RBFOX1: variants seen among roughly 807,000 people sequenced by gnomAD.
RBFOX1 encodes the protein RNA binding fox-1 homolog 1.
Under a neutral mutation model 57.7 loss-of-function variants are expected in RBFOX1, and 8 were observed. The observed-to-expected ratio is 0.14, with a 90% CI of 0.08 to 0.25. RBFOX1 has a LOEUF of 0.25. RBFOX1 is among the 10% of genes least tolerant of loss of function. The probability of loss-of-function intolerance (pLI) is 1.00; values close to 1 mark genes in which losing one functional copy is unlikely to be tolerated. For missense variants in RBFOX1, 611 were observed against 548.5 expected, an observed-to-expected ratio of 1.11 and a Z score of -1.14; for synonymous variants, 326 against 222.4, an observed-to-expected ratio of 1.47 and a Z score of -4.15.
intron 4 of RBFOX1, among the ~76,000 whole-genome samples, chr16:7,399,393 G>A (rs934582140): frequency 6.6e-6 from 1 of 152,292 alleles, no homozygotes; most frequent in South Asian, 2.1e-4. Context: ...GTTGCAGTGA[G>A]CCGGGATCAG....
rs527456315 is a variant in RBFOX1 at position 7,124,574 on chromosome 16, C to A, written c.27+72476C>A. The stretch of plus-strand genomic sequence containing the variant: ...CCCTCCCTCCCTCCCTTCCTTCCTT[C>A]CTTCCTTCCTGTAATAAGTTGTGAG... On this transcript the variant is annotated intron_variant, in intron 4 of 15. Coordinates refer to ENST00000550418, the MANE Select transcript of RBFOX1 (RefSeq NM_018723.4). Among the ~76,000 whole-genome samples the A allele has an allele frequency of 4.4e-5, 6 of 134,854 alleles. No individual in the cohort carries two copies. In the South Asian group the frequency reaches 1.6e-3, roughly 35 times the overall value. 88.5% of individuals were successfully genotyped at this position (134,854 alleles called of 152,430 possible).
intron 3 of RBFOX1, among the ~76,000 whole-genome samples, chr16:5,632,302 C>T (rs1320814871): frequency 6.6e-6 from 1 of 152,248 alleles, no homozygotes; most frequent in African/African-American, 2.4e-5. Flanking sequence ...GGGTTCCCAA[C>T]CCACATCAAT....
chr16:7,494,660 A>G (rs1026288353), intron 4 of RBFOX1, among the ~76,000 whole-genome samples: 2 of 152,042 alleles, frequency 1.3e-5, no homozygotes, highest in Admixed American at 6.6e-5. Context: ...AGGAGCCAAC[A>G]CTCAAAAAGG....
chr16:7,123,390 C>T (rs62014152), intron 4 of RBFOX1, among the ~76,000 whole-genome samples: 73,279 of 151,796 alleles, frequency 0.48, 17,743 homozygotes, highest in Admixed American at 0.53. Flanking sequence ...TTTGAGACAG[C>T]GGCTTCCTCT....
rs188895982 is a variant in RBFOX1, at chr16:6,029,994, A to T, written c.-127+10002A>T. Among the ~76,000 whole-genome samples, 233 of 152,010 alleles carry T rather than the reference A, an allele frequency of 1.5e-3. 2 individuals are homozygous for T. Among genetic ancestry groups the T allele is most frequent in the African/African-American group, 5.3e-3 (219 of 41,466 alleles). On this transcript the variant is annotated intron_variant, in intron 1 of 15. Transcript: ENST00000550418. ...AGTGATGCAATCATGTCTCACTTCA[A>T]CCTCTGCCTCCTGGACTCAAGTGAT...
intron 3 of RBFOX1, among the ~76,000 whole-genome samples, chr16:7,006,636 C>G (rs1042331957): frequency 6.6e-6 from 1 of 152,076 alleles, no homozygotes; most frequent in Admixed American, 6.6e-5. Context: ...TTTATAGAGA[C>G]AAGGTCTCCC....
chr16:6,497,729 G>A (rs57081865), intron 2 of RBFOX1, among the ~76,000 whole-genome samples: 3 of 151,730 alleles, frequency 2.0e-5, no homozygotes, highest in Admixed American at 1.3e-4. Context: ...GCTAATTTTT[G>A]TATTTTTAGT....
At chr16:7,535,864 G>C (rs1046008947) in intron 5 of RBFOX1, among the ~76,000 whole-genome samples, 2 of 152,166 alleles carry the variant, frequency 1.3e-5, no homozygotes, top group Non-Finnish European at 2.9e-5. Context: ...AAAGTGCCTG[G>C]AACAAAGTAG....
chr16:6,858,367 G>A (rs952456283), intron 3 of RBFOX1, among the ~76,000 whole-genome samples: 6 of 152,130 alleles, frequency 3.9e-5, no homozygotes, highest in Non-Finnish European at 5.9e-5. Context: ...GAGCAGATTC[G>A]TGATACTTTC....
chr16:5,693,795 A>G (rs2050767088), intron 3 of RBFOX1, among the ~76,000 whole-genome samples: 1 of 152,194 alleles, frequency 6.6e-6, no homozygotes, highest in African/African-American at 2.4e-5. Flanking sequence ...CCTTCTTATA[A>G]GTAGGCAACT....
At chr16:5,280,820 TCTTTC>T (rs1350488459) in intron 1 of RBFOX1, among the ~76,000 whole-genome samples, 246 of 131,192 alleles carry the variant, frequency 1.9e-3, no homozygotes, top group South Asian at 3.4e-3. Flanking sequence ...GGGTCTCCTT[TCTTTC>T]TTTTTTTTTT....
chr16:6,465,884 T>TTGTGTGTGTGTGTGTG (rs111917166), intron 2 of RBFOX1, among the ~76,000 whole-genome samples: 29 of 146,328 alleles, frequency 2.0e-4, no homozygotes, highest in South Asian at 1.1e-3. Context: ...ATTTGTGTGT[T>TTGTGTGTGTGTGTGTG]TGTGTGTGTG....
chr16:6,224,394 G>A (rs959292217), intron 1 of RBFOX1, among the ~76,000 whole-genome samples: 1 of 152,062 alleles, frequency 6.6e-6, no homozygotes, highest in Admixed American at 6.6e-5. Context: ...GTGGTTTGTA[G>A]TTCTCCTTGA....
intron 4 of RBFOX1, among the ~76,000 whole-genome samples, chr16:7,086,721 T>TACACACACACACACACACACACAGAC (rs71280731): frequency 8.7e-5 from 13 of 149,476 alleles, no homozygotes; most frequent in African/African-American, 2.5e-4. Flanking sequence ...GAAGAATGTA[T>TACACACACACACACACACACACAGAC]ACACACACAC....
intron 4 of RBFOX1, among the ~76,000 whole-genome samples, chr16:7,295,992 T>C (rs1228066498): frequency 6.6e-6 from 1 of 151,938 alleles, no homozygotes; most frequent in African/African-American, 2.4e-5. Context: ...GCCTAAAGAG[T>C]GTAACTATTA....
intron 1 of RBFOX1, among the ~76,000 whole-genome samples, chr16:6,293,112 A>G (rs553137138): frequency 6.6e-6 from 1 of 152,278 alleles, no homozygotes; most frequent in East Asian, 1.9e-4. Flanking sequence ...ATTCATATAT[A>G]TTCACTATGT....
At chr16:6,146,173 T>G (rs1018380544) in intron 1 of RBFOX1, among the ~76,000 whole-genome samples, 12 of 152,180 alleles carry the variant, frequency 7.9e-5, no homozygotes, top group African/African-American at 2.9e-4. Flanking sequence ...CCCATGGGTC[T>G]GGTGCTGTGG....
intron 4 of RBFOX1, among the ~76,000 whole-genome samples, chr16:7,081,276 C>G (rs2059154868): frequency 6.6e-6 from 1 of 152,200 alleles, no homozygotes; most frequent in Non-Finnish European, 1.5e-5. Context: ...CTCAAGTGAT[C>G]CACCAGCCTT....
At chr16:6,038,969 C>G (rs371268676) in intron 1 of RBFOX1, 2 of 141,780 alleles carry the variant, frequency 1.4e-5, no homozygotes, top group East Asian at 2.1e-4. Flanking sequence ...ATATTACATA[C>G]CAGCCAATGT....
Sources: gnomAD v4.1 joint callset for allele counts (sites outside exome capture counted in the v4.1 genomes callset) on GRCh38, gnomAD v4.1.1 for gene constraint, MANE v1.5 for transcripts, NCBI Gene and HGNC (gene_info 2026-07-23, HGNC 2026-07-21) for gene names.